CCDC146: variants seen among roughly 807,000 people sequenced by gnomAD.
CCDC146 encodes coiled-coil domain containing 146, also known as coiled-coil domain-containing protein 146.
Under a neutral mutation model 119.3 loss-of-function variants are expected in CCDC146, and 92 were observed. That is an observed-to-expected ratio of 0.77 (90% CI 0.65 to 0.92). The LOEUF (loss-of-function observed/expected upper bound fraction) is 0.92, where lower values mean the gene tolerates loss of function less well. Among genes scored for constraint, CCDC146 ranks in the 40% least tolerant of loss-of-function variants. The probability of loss-of-function intolerance (pLI) is 0.00; values close to 1 mark genes in which losing one functional copy is unlikely to be tolerated. For synonymous variants in CCDC146, 372 were observed against 371.8 expected (o/e 1.00, Z -0.01); for missense variants, 1,000 against 1,103.0 (o/e 0.91, Z 1.32).
chr7:77,225,539 G>A (rs1792492736), intron 2 of CCDC146, among the ~76,000 whole-genome samples: 1 of 151,618 alleles, frequency 6.6e-6, no homozygotes, highest in South Asian at 2.1e-4. Flanking sequence ...GGGCAACAGA[G>A]CAAGACTTTG....
Position 77,196,216 on chromosome 7 carries a change from A to G in CCDC146, c.156+28392A>G. ...AAAATATGAAACAAGGCATATTCTA[A>G]AGTGCTGAAGGAATTAATTGCCCTA... On this transcript the variant is annotated intron_variant, in intron 2 of 18. Coordinates refer to ENST00000285871, the MANE Select transcript of CCDC146 (RefSeq NM_020879.3). The surrounding 1 kb of genome is among the most constrained non-coding windows in gnomAD (Gnocchi z 4.2). The G allele has an allele frequency of 8.3e-7, 1 of 1,211,606 alleles. No homozygotes were observed. The highest frequency in any genetic ancestry group is 1.2e-6 in the Non-Finnish European group (1 of 859,074). 75.1% of individuals were successfully genotyped at this position (1,211,606 alleles called of 1,614,324 possible).
intron 1 of CCDC146, among the ~76,000 whole-genome samples, chr7:77,141,276 T>C (rs1584019448): frequency 6.6e-6 from 1 of 152,220 alleles, no homozygotes; most frequent in South Asian, 2.1e-4. Flanking sequence ...TGCATAGTAT[T>C]CCATGTTGTG....
chr7:77,124,871 C>G (rs573310760), intron 1 of CCDC146, among the ~76,000 whole-genome samples: 3 of 152,256 alleles, frequency 2.0e-5, no homozygotes, highest in African/African-American at 7.2e-5. Flanking sequence ...TATAGGGTTA[C>G]TTGTAAGAGA....
At chr7:77,272,663 C>T (rs1399228566) in intron 9 of CCDC146, among the ~76,000 whole-genome samples, 1 of 152,220 alleles carries the variant, frequency 6.6e-6, no homozygotes, top group Admixed American at 6.5e-5. Flanking sequence ...AGATGACCCT[C>T]CCTGTAGCCT....
At chr7:77,148,969 GA>G (rs1791066990) in intron 1 of CCDC146, among the ~76,000 whole-genome samples, 1 of 152,078 alleles carries the variant, frequency 6.6e-6, no homozygotes. Flanking sequence ...CACAGAATTA[GA>G]AAAAACTACT....
At chr7:77,257,607 C>T (rs1296447497) in intron 6 of CCDC146, among the ~76,000 whole-genome samples, 1 of 152,118 alleles carries the variant, frequency 6.6e-6, no homozygotes, top group Admixed American at 6.6e-5. Context: ...TTAACGAGGG[C>T]CCCCAAGATT....
At chr7:77,217,478 A>G (rs1792321277) in intron 2 of CCDC146, among the ~76,000 whole-genome samples, 1 of 152,058 alleles carries the variant, frequency 6.6e-6, no homozygotes, top group African/African-American at 2.4e-5. Context: ...ATATATACAT[A>G]TATGTGGAAA....
intron 2 of CCDC146, chr7:77,195,107 T>C (rs1763865792): frequency 6.6e-6 from 1 of 152,166 alleles, no homozygotes; most frequent in Non-Finnish European, 1.5e-5. Flanking sequence ...GGAGATAAAA[T>C]TGGCCTCAGA....
At position 77,288,688 on chromosome 7, in the gene CCDC146, G is replaced by T. The variant is rs143062613; in HGVS notation, c.2415+1111G>T. On this transcript the variant is annotated intron_variant, in intron 17 of 18. Transcript: ENST00000285871. Reference sequence around the variant, plus strand: ...CTGCTATGTGCTACTCTCATGCTAGGCATGAGTTCAGAAACAAAGAGGAAG... The same window carrying T: ...CTGCTATGTGCTACTCTCATGCTAGTCATGAGTTCAGAAACAAAGAGGAAG... 2.3e-4 allele frequency among the ~76,000 whole-genome samples: 35 copies of T among 152,288 alleles called. No individual in the cohort carries two copies. In the East Asian group the frequency reaches 6.8e-3, roughly 29 times the overall value.
intron 2 of CCDC146, among the ~76,000 whole-genome samples, chr7:77,197,747 C>A (rs1791902648): frequency 6.6e-6 from 1 of 152,114 alleles, no homozygotes; most frequent in Admixed American, 6.5e-5. Context: ...AAAGAAGTAT[C>A]TTTTTCAATG....
chr7:77,241,790 A>G lies in CCDC146; in HGVS notation c.339A>G (p.Pro113=), dbSNP rs201152396. The change falls in exon 4 of 19, where the codon CCA becomes CCG. Residue 113 remains proline (P), a synonymous_variant. Coordinates refer to ENST00000285871, the MANE Select transcript of CCDC146 (RefSeq NM_020879.3). Reference sequence around the variant, plus strand: ...ACCTGCAGCAAGCTGATAATTTTCCAGAAGCATTCTCCACGGAGGTCTCCA... The same window carrying G: ...ACCTGCAGCAAGCTGATAATTTTCCGGAAGCATTCTCCACGGAGGTCTCCA... ...QFHLQQADNF[P]EAFSTEVSKM... is the part of the protein sequence containing the mutation. The G allele has an allele frequency of 6.2e-7, 1 of 1,614,150 alleles. No individual in the cohort carries two copies. The highest frequency in any genetic ancestry group is 1.7e-5 in the Admixed American group (1 of 60,026).
chr7:77,206,150 C>T (rs1792076476), intron 2 of CCDC146, among the ~76,000 whole-genome samples: 1 of 152,164 alleles, frequency 6.6e-6, no homozygotes, highest in Non-Finnish European at 1.5e-5. Flanking sequence ...GTAGGCAAAT[C>T]ACAAAGACAA....
Position 77,196,376 on chromosome 7 carries a change from C to T in CCDC146, c.156+28552C>T. The T allele has an allele frequency of 6.2e-7, 1 of 1,614,090 alleles. No homozygotes were observed. Among genetic ancestry groups the T allele is most frequent in the Non-Finnish European group, 8.5e-7 (1 of 1,179,994 alleles). On this transcript the variant is annotated intron_variant, in intron 2 of 18. Transcript: ENST00000285871. The surrounding 1 kb of genome is among the most constrained non-coding windows in gnomAD (Gnocchi z 4.2). The stretch of plus-strand genomic sequence containing the variant: ...TGCCTCACTTACACCAGGCCAGGTA[C>T]CCCAGAAAATCCCATTACGGACACC...
intron 1 of CCDC146, among the ~76,000 whole-genome samples, chr7:77,136,547 A>T (rs1790862812): frequency 6.6e-6 from 1 of 152,200 alleles, no homozygotes; most frequent in African/African-American, 2.4e-5. Context: ...AATTATTTGA[A>T]AGATATAACA....
At chr7:77,152,469 A>G (rs1791120816) in intron 1 of CCDC146, among the ~76,000 whole-genome samples, 1 of 152,192 alleles carries the variant, frequency 6.6e-6, no homozygotes, top group Non-Finnish European at 1.5e-5. Flanking sequence ...AAATTTGTAG[A>G]CATGGGAGAG....
chr7:77,243,843 C>T (rs111326973), intron 4 of CCDC146, among the ~76,000 whole-genome samples: 4,144 of 152,118 alleles, frequency 0.027, 154 homozygotes, highest in African/African-American at 0.084. Context: ...TAGGCCTAGG[C>T]TAATGTGTGT....
intron 1 of CCDC146, among the ~76,000 whole-genome samples, chr7:77,150,059 A>G (rs1791087697): frequency 6.6e-6 from 1 of 152,052 alleles, no homozygotes; most frequent in Admixed American, 6.5e-5. Flanking sequence ...AATAGATTAA[A>G]GATCTAACTA....
chr7:77,244,390 C>T (rs1021014854), intron 4 of CCDC146, among the ~76,000 whole-genome samples: 3 of 152,178 alleles, frequency 2.0e-5, no homozygotes, highest in Non-Finnish European at 4.4e-5. Context: ...TTCACATTCA[C>T]TCACCACTCA....
At chr7:77,125,842 T>C (rs1790683873) in intron 1 of CCDC146, among the ~76,000 whole-genome samples, 1 of 152,136 alleles carries the variant, frequency 6.6e-6, no homozygotes, top group Admixed American at 6.5e-5. Context: ...CAATCTTAAC[T>C]AATAACTATC....
Sources: gnomAD v4.1 joint callset for allele counts (sites outside exome capture counted in the v4.1 genomes callset) on GRCh38, gnomAD v4.1.1 for gene constraint, Gnocchi (gnomAD v3.1) non-coding constraint, MANE v1.5 for transcripts, NCBI Gene and HGNC (gene_info 2026-07-23, HGNC 2026-07-21) for gene names.